Variants in SPAG16 observed in about 807,000 individuals in gnomAD.
The protein encoded by SPAG16 is sperm-associated antigen 16 protein.
In SPAG16, 86 loss-of-function variants were observed where a neutral mutation model predicts 80.4. The observed-to-expected ratio is 1.07, with a 90% CI of 0.90 to 1.28. The LOEUF (loss-of-function observed/expected upper bound fraction) is 1.28, where lower values mean the gene tolerates loss of function less well. Ranked by LOEUF, SPAG16 falls within the 50% of genes most tolerant of loss-of-function variation. The pLI is 0.00. For missense variants in SPAG16, 870 were observed against 765.3 expected (o/e 1.14, Z -1.61); for synonymous variants, 294 against 265.9 (o/e 1.11, Z -1.03).
chr2:213,471,796 T>C (rs1487601886), intron 9 of SPAG16, among the ~76,000 whole-genome samples: 1 of 152,120 alleles, frequency 6.6e-6, no homozygotes, highest in Non-Finnish European at 1.5e-5. Context: ...AACACACCCA[T>C]ATGAGGAATG....
chr2:214,026,928 A>G (rs957457515), intron 13 of SPAG16, among the ~76,000 whole-genome samples: 1 of 151,624 alleles, frequency 6.6e-6, no homozygotes. Context: ...GCCTTTCCCC[A>G]TTTTGACTTG....
intron 10 of SPAG16, among the ~76,000 whole-genome samples, chr2:213,683,063 C>T (rs865883350): frequency 1.3e-5 from 2 of 152,198 alleles, no homozygotes; most frequent in East Asian, 1.9e-4. Context: ...AATGAATTCA[C>T]GTTGATGATC....
chr2:214,012,288 A>ATATATATATATAT (rs1553694500), intron 12 of SPAG16, among the ~76,000 whole-genome samples: 1 of 46,818 alleles, frequency 2.1e-5, no homozygotes, highest in African/African-American at 1.2e-4. Context: ...ATATATATAT[A>ATATATATATATAT]TTTTTTTTTT....
chr2:214,120,463 A>C (rs890349716), intron 14 of SPAG16, among the ~76,000 whole-genome samples: 1 of 151,750 alleles, frequency 6.6e-6, no homozygotes, highest in Non-Finnish European at 1.5e-5. Context: ...AATTTCTATA[A>C]ATTTTGAGTG....
At chr2:214,262,853 T>C (rs911550101) in intron 15 of SPAG16, among the ~76,000 whole-genome samples, 1 of 152,140 alleles carries the variant, frequency 6.6e-6, no homozygotes, top group African/African-American at 2.4e-5. Flanking sequence ...TTACCTGCTA[T>C]TGTGAATCAG....
chr2:213,763,679 A>G (rs1437588199), intron 10 of SPAG16, among the ~76,000 whole-genome samples: 1 of 152,204 alleles, frequency 6.6e-6, no homozygotes, highest in Non-Finnish European at 1.5e-5. Context: ...ACCACGATAA[A>G]AAGGAAAAGA....
chr2:214,014,220 G>T lies in SPAG16; in HGVS notation c.1527+143G>T, dbSNP rs994580672. ...AACAGTAAAAAGTTCATAATTACAA[G>T]ATCCTTTCTATGCACTTGTATCCAT... On this transcript the variant is annotated intron_variant, in intron 13 of 15. Coordinates refer to ENST00000331683, the MANE Select transcript of SPAG16 (RefSeq NM_024532.5). 1.1e-5 allele frequency: 11 copies of T among 1,036,940 alleles called. No individual in the cohort carries two copies. In the African/African-American group the frequency reaches 1.6e-4, roughly 15 times the overall value. The allele number at this position is 1,036,940 out of a possible 1,614,324, so 64.2% of individuals were successfully genotyped here. A position where few individuals can be genotyped will look rare whatever the true frequency, so the allele number is the denominator to read the frequency against.
Position 214,120,934 on chromosome 2 carries a change from A to T in SPAG16, c.1593+12673A>T, listed in dbSNP as rs192164314. ...ATCTGATATCTCATTAAAATATGTT[A>T]AAAATGAAACTTGCTTTCCCATAAT... On this transcript the variant is annotated intron_variant, in intron 14 of 15. Coordinates refer to ENST00000331683, the MANE Select transcript of SPAG16 (RefSeq NM_024532.5). Among the ~76,000 whole-genome samples, 12 of 151,930 alleles carry T rather than the reference A, an allele frequency of 7.9e-5. No individual in the cohort carries two copies. In the East Asian group the frequency reaches 2.3e-3, roughly 29 times the overall value.
chr2:213,506,518 T>A (rs2074975556), intron 10 of SPAG16, among the ~76,000 whole-genome samples: 1 of 152,180 alleles, frequency 6.6e-6, no homozygotes. Context: ...CCTTTTTCAT[T>A]TATGGACCAC....
intron 15 of SPAG16, among the ~76,000 whole-genome samples, chr2:214,386,211 C>CA (rs1700742631): frequency 1.3e-5 from 2 of 151,898 alleles, no homozygotes; most frequent in Admixed American, 1.3e-4. Context: ...CCCATATCTA[C>CA]AAAAAATACA....
chr2:213,666,380 A>G (rs2063603312), intron 10 of SPAG16, among the ~76,000 whole-genome samples: 1 of 152,086 alleles, frequency 6.6e-6, no homozygotes, highest in African/African-American at 2.4e-5. Context: ...TCAGCTTGGC[A>G]TATATTAACT....
At chr2:213,324,251 C>A (rs1243749840) in intron 5 of SPAG16, among the ~76,000 whole-genome samples, 1 of 81,486 alleles carries the variant, frequency 1.2e-5, no homozygotes, top group Non-Finnish European at 2.7e-5. Flanking sequence ...CCCTACTGTA[C>A]CTCAAGTTAT....
At chr2:213,642,208 G>A (rs568120490) in intron 10 of SPAG16, among the ~76,000 whole-genome samples, 1 of 152,310 alleles carries the variant, frequency 6.6e-6, no homozygotes, top group South Asian at 2.1e-4. Context: ...GCAGCAGCAA[G>A]CCACTTCTTC....
At chr2:213,488,104 A>G (rs1401758316) in intron 9 of SPAG16, among the ~76,000 whole-genome samples, 2 of 152,130 alleles carry the variant, frequency 1.3e-5, no homozygotes, top group South Asian at 2.1e-4. Flanking sequence ...TGTAAGCTCC[A>G]TAAGGGAGAG....
chr2:214,137,452 A>G (rs750572959), intron 14 of SPAG16, among the ~76,000 whole-genome samples: 16 of 152,102 alleles, frequency 1.1e-4, no homozygotes, highest in Non-Finnish European at 2.1e-4. Context: ...TGTGTTATCT[A>G]TTGATGATTT....
intron 15 of SPAG16, among the ~76,000 whole-genome samples, chr2:214,189,101 T>C (rs951959280): frequency 6.6e-6 from 1 of 152,148 alleles, no homozygotes; most frequent in Admixed American, 6.6e-5. Flanking sequence ...TTGTATTGCA[T>C]AGATTTGTGC....
chr2:214,246,899 T>C (rs867553330), intron 15 of SPAG16, among the ~76,000 whole-genome samples: 1 of 152,198 alleles, frequency 6.6e-6, no homozygotes, highest in Non-Finnish European at 1.5e-5. Flanking sequence ...TCTAATTGAC[T>C]ACATAAATGT....
intron 11 of SPAG16, among the ~76,000 whole-genome samples, chr2:213,869,671 C>T (rs2251792): frequency 0.92 from 136,919 of 148,194 alleles, 64,247 homozygotes; most frequent in East Asian, 1. Context: ...TGTCTAATTC[C>T]AAAAGTAATA....
At chr2:213,819,299 C>T (rs1393394947) in intron 10 of SPAG16, among the ~76,000 whole-genome samples, 1 of 152,152 alleles carries the variant, frequency 6.6e-6, no homozygotes, top group Non-Finnish European at 1.5e-5. Flanking sequence ...CTGGAAAATG[C>T]CAACATGAAA....
Sources: gnomAD v4.1 joint callset for allele counts (sites outside exome capture counted in the v4.1 genomes callset) on GRCh38, gnomAD v4.1.1 for gene constraint, MANE v1.5 for transcripts, NCBI Gene and HGNC (gene_info 2026-07-23, HGNC 2026-07-21) for gene names.